Variants in RBPMS observed in about 807,000 individuals in gnomAD.
The protein encoded by RBPMS is RNA-binding protein with multiple splicing.
A neutral mutation model predicts 26.8 loss-of-function variants in RBPMS; 7 were observed. The observed-to-expected ratio is 0.26, with a 90% CI of 0.15 to 0.49. The LOEUF (loss-of-function observed/expected upper bound fraction) is 0.49. RBPMS is among the 20% of genes least tolerant of loss of function. The pLI is 0.98. For missense variants in RBPMS, 186 were observed against 250.0 expected, an observed-to-expected ratio of 0.74 and a Z score of 1.73; for synonymous variants, 96 against 93.3, an observed-to-expected ratio of 1.03 and a Z score of -0.17.
intron 5 of RBPMS, among the ~76,000 whole-genome samples, 166 bp from the exon 6 acceptor site, chr8:30,544,328 C>T (rs1825686455): frequency 6.6e-6 from 1 of 152,212 alleles, no homozygotes; most frequent in African/African-American, 2.4e-5. Context: ...CGTTCCCTTA[C>T]TTAGCATTTG....
At chr8:30,538,646 C>T (rs1451227557) in intron 5 of RBPMS, among the ~76,000 whole-genome samples, 2 of 152,156 alleles carry the variant, frequency 1.3e-5, no homozygotes, top group Non-Finnish European at 2.9e-5. Context: ...TCTATGGGAA[C>T]TGTATTAGTT....
chr8:30,467,741 G>A (rs1257995298), intron 1 of RBPMS, among the ~76,000 whole-genome samples: 2 of 152,186 alleles, frequency 1.3e-5, no homozygotes, highest in Admixed American at 6.5e-5. Flanking sequence ...GCTTGTCCCT[G>A]AGGATCAAGG....
intron 1 of RBPMS, among the ~76,000 whole-genome samples, chr8:30,469,406 G>A (rs1456924259): frequency 1.3e-5 from 2 of 152,254 alleles, no homozygotes; most frequent in Non-Finnish European, 1.5e-5. Context: ...AAATCTAACT[G>A]TAGCCTCTGC....
chr8:30,534,389 A>G lies in RBPMS; in HGVS notation c.398-10105A>G, dbSNP rs542287847. ...AGACTTTATGCTTGTGAAGGATACT[A>G]TACACGTAAGCACAAAATAAATACT... On this transcript the variant is annotated intron_variant, in intron 5 of 8. Coordinates refer to ENST00000397323, the MANE Select transcript of RBPMS (RefSeq NM_001008710.3). Among the ~76,000 whole-genome samples, 3 of 152,362 alleles carry G rather than the reference A, an allele frequency of 2.0e-5. No individual in the cohort carries two copies. In the South Asian group the frequency reaches 6.2e-4, roughly 32 times the overall value.
chr8:30,513,414 C>T (rs570325198), intron 5 of RBPMS, among the ~76,000 whole-genome samples: 1 of 151,648 alleles, frequency 6.6e-6, no homozygotes, highest in East Asian at 1.9e-4. Flanking sequence ...ACGGTGAAAC[C>T]CTGTCTCTAC....
intron 4 of RBPMS, among the ~76,000 whole-genome samples, chr8:30,500,267 CAGAT>C (rs1279977823): frequency 3.3e-5 from 5 of 151,868 alleles, no homozygotes; most frequent in African/African-American, 1.2e-4. Context: ...TGGACTTACA[CAGAT>C]AGAGAAGTAT....
At position 30,474,369 on chromosome 8, in the gene RBPMS, T is replaced by G. The variant is rs150369489; in HGVS notation, c.67-410T>G. On this transcript the variant is annotated intron_variant, in intron 1 of 8. Transcript: ENST00000397323. ...GGGCAGAGGAGTGGCAGATTTACTG[T>G]GCTCATGTCATTTTTTTCTTAAGCT... Among the ~76,000 whole-genome samples the G allele has an allele frequency of 6.6e-5, 10 of 152,342 alleles. No individual in the cohort carries two copies. In the East Asian group the frequency reaches 1.9e-3, roughly 29 times the overall value.
chr8:30,555,784 C>T, intron 6 of RBPMS: 4 of 658,936 alleles, frequency 6.1e-6, no homozygotes, highest in Non-Finnish European at 7.5e-6. Context: ...TAAAGCAGCC[C>T]TTATGGGATG....
chr8:30,480,415 C>G (rs1818154346), intron 4 of RBPMS, among the ~76,000 whole-genome samples: 1 of 152,148 alleles, frequency 6.6e-6, no homozygotes, highest in African/African-American at 2.4e-5. Flanking sequence ...AGTCTTTATA[C>G]TTCATATAAT....
chr8:30,433,394 T>A (rs190255484), intron 1 of RBPMS, among the ~76,000 whole-genome samples: 1 of 152,354 alleles, frequency 6.6e-6, no homozygotes, highest in African/African-American at 2.4e-5. Flanking sequence ...GGTTGTCATA[T>A]GTAGTTTGGA....
Position 30,535,826 on chromosome 8 carries a change from T to C in RBPMS, c.398-8668T>C, listed in dbSNP as rs1824736369. Among the ~76,000 whole-genome samples, 2 of 152,198 alleles carry C rather than the reference T, an allele frequency of 1.3e-5. 1 individual carries two copies. Among genetic ancestry groups the C allele is most frequent in the South Asian group, 4.1e-4 (2 of 4,828 alleles). On this transcript the variant is annotated intron_variant, in intron 5 of 8. Transcript: ENST00000397323. Reference sequence around the variant, plus strand: ...AGCACAGTTAGGTGTATTGAGATCCTTAAAAATGTTCATTTCTGAAAGCTT... The same window carrying C: ...AGCACAGTTAGGTGTATTGAGATCCCTAAAAATGTTCATTTCTGAAAGCTT...
intron 1 of RBPMS, among the ~76,000 whole-genome samples, chr8:30,458,372 C>T (rs1402773275): frequency 1.3e-5 from 2 of 152,106 alleles, no homozygotes; most frequent in African/African-American, 4.8e-5. Flanking sequence ...TGATTTATTC[C>T]TCTTAGCAAC....
At chr8:30,465,827 A>G (rs1816434846) in intron 1 of RBPMS, among the ~76,000 whole-genome samples, 1 of 152,164 alleles carries the variant, frequency 6.6e-6, no homozygotes, top group Non-Finnish European at 1.5e-5. Flanking sequence ...AGAGCTTAGG[A>G]AACATTCTGA....
chr8:30,478,753 C>T (rs922293334), intron 3 of RBPMS, among the ~76,000 whole-genome samples: 1 of 152,228 alleles, frequency 6.6e-6, no homozygotes, highest in East Asian at 1.9e-4. Flanking sequence ...CCACCTTGGC[C>T]TCCCAAAGTA....
intron 1 of RBPMS, among the ~76,000 whole-genome samples, chr8:30,431,127 A>G (rs548856654): frequency 1.3e-5 from 2 of 152,330 alleles, no homozygotes; most frequent in South Asian, 2.1e-4. Flanking sequence ...AGCATGCATT[A>G]TTCTACATAT....
chr8:30,461,768 G>A (rs773994893), intron 1 of RBPMS, among the ~76,000 whole-genome samples: 16 of 152,288 alleles, frequency 1.1e-4, no homozygotes, highest in African/African-American at 3.6e-4. Flanking sequence ...TAACATCTTA[G>A]AAAACTGTAG....
intron 1 of RBPMS, among the ~76,000 whole-genome samples, chr8:30,434,059 G>T (rs1812195874): frequency 6.6e-6 from 1 of 152,082 alleles, no homozygotes; most frequent in Admixed American, 6.6e-5. Context: ...GGAGCTTGCA[G>T]TGAGCCAAGT....
intron 4 of RBPMS, among the ~76,000 whole-genome samples, chr8:30,490,869 G>T (rs1042112271): frequency 6.6e-6 from 1 of 152,138 alleles, no homozygotes; most frequent in Admixed American, 6.6e-5. Flanking sequence ...GGCGAGATAG[G>T]TTTTGCCTCA....
intron 1 of RBPMS, among the ~76,000 whole-genome samples, chr8:30,428,683 T>C (rs1811621418): frequency 6.6e-6 from 1 of 152,136 alleles, no homozygotes; most frequent in Non-Finnish European, 1.5e-5. Flanking sequence ...TAGGACACTC[T>C]ATAATCTACT....
Sources: gnomAD v4.1 joint callset for allele counts (sites outside exome capture counted in the v4.1 genomes callset) on GRCh38, gnomAD v4.1.1 for gene constraint, MANE v1.5 for transcripts, NCBI Gene and HGNC (gene_info 2026-07-23, HGNC 2026-07-21) for gene names.